Variants in MLLT10 observed in about 807,000 individuals in gnomAD.
The protein encoded by MLLT10 is protein AF-10.
In MLLT10, 30 loss-of-function variants were observed where a neutral mutation model predicts 129.1. The ratio of observed to expected loss-of-function variants is 0.23; its 90% CI spans 0.17 to 0.32. MLLT10 has a LOEUF of 0.32. Ranked by LOEUF, MLLT10 falls within the 10% of genes least tolerant of loss-of-function variation. MLLT10 has a pLI of 1.00. For missense variants in MLLT10, 1,119 were observed against 1,268.3 expected (o/e 0.88, Z 1.79); for synonymous variants, 490 against 446.4 (o/e 1.10, Z -1.23).
chr10:21,583,901 G>A (rs1020414968), intron 3 of MLLT10, among the ~76,000 whole-genome samples: 6 of 150,136 alleles, frequency 4.0e-5, no homozygotes, highest in African/African-American at 9.8e-5. Flanking sequence ...ACGGAGTCTC[G>A]CTCTGTCACC....
intron 11 of MLLT10, among the ~76,000 whole-genome samples, chr10:21,676,239 A>T (rs2052083116): frequency 6.6e-6 from 1 of 151,294 alleles, no homozygotes; most frequent in South Asian, 2.1e-4. Context: ...ACCACGGTGA[A>T]ACCCTGTCTC....
rs765691143 is a variant in MLLT10 at position 21,735,231 on chromosome 10, C to T, written c.2951C>T (p.Thr984Ile). 1 of 1,607,876 alleles carries T rather than the reference C, an allele frequency of 6.2e-7. No individual in the cohort carries two copies. Among genetic ancestry groups the T allele is most frequent in the Non-Finnish European group, 8.5e-7 (1 of 1,174,888 alleles). Residue 984 changes from threonine to isoleucine, a missense_variant, in exon 21 of 23, where the codon ACA becomes ATA. Physicochemically the swap from Thr to Ile is moderately conservative, Grantham distance 89. Coordinates refer to ENST00000307729, the MANE Select transcript of MLLT10 (RefSeq NM_001195626.3). ...FQQLLNSQQL[T>I]PEQHQAFLYQ... Reference sequence around the variant, plus strand: ...CAGTTGTTAAATTCTCAACAGCTCACACCAGTAAGTTCTTTCTTTTGATAA... The same window carrying T: ...CAGTTGTTAAATTCTCAACAGCTCATACCAGTAAGTTCTTTCTTTTGATAA...
At chr10:21,644,000 G>C (rs2048253996) in intron 8 of MLLT10, among the ~76,000 whole-genome samples, 1 of 151,878 alleles carries the variant, frequency 6.6e-6, no homozygotes, top group Non-Finnish European at 1.5e-5. Context: ...AACAATTCTT[G>C]GCAATGTGTA....
chr10:21,673,616 T>G lies in MLLT10; in HGVS notation c.1318T>G (p.Leu440Val), dbSNP rs534984977. ...AAGCTTTGAAAATTCACCTGGAGAT[T>G]TGGGTAATTCCAGCCTTCCTACAGC... ...PKSFENSPGDLGNSSLPTAGY... is the reference protein window; with the variant it reads ...PKSFENSPGDVGNSSLPTAGY... The change falls in exon 11 of 23, where the codon TTG (leucine) becomes GTG (valine). Residue 440 changes from leucine (L) to valine (V), a missense_variant. Transcript: ENST00000307729. 1.9e-6 allele frequency: 3 copies of G among 1,613,700 alleles called. No homozygotes were observed. The highest frequency in any genetic ancestry group is 2.2e-5 in the East Asian group (1 of 44,878).
At chr10:21,624,975 C>T in intron 8 of MLLT10, 2 of 1,232,700 alleles carry the variant, frequency 1.6e-6, no homozygotes, top group East Asian at 2.3e-5. Context: ...ACCCTGCCCT[C>T]CCCTTCCTCC....
chr10:21,702,703 T>C (rs537405822), intron 13 of MLLT10, among the ~76,000 whole-genome samples: 6 of 152,300 alleles, frequency 3.9e-5, no homozygotes, highest in African/African-American at 1.4e-4. Context: ...GTTTTTTTTT[T>C]CTTAAAGTCT....
chr10:21,545,647 A>T lies in MLLT10; in HGVS notation c.240+6735A>T, dbSNP rs149520952. 8.7e-4 allele frequency among the ~76,000 whole-genome samples: 132 copies of T among 152,310 alleles called. 2 individuals carry two copies. In the East Asian group the frequency reaches 0.024, roughly 28 times the overall value. ...CGTGTCTCCCAAAACAAAAAAATTA[A>T]ACACACTTTCTCATGACTATTTTTG... On this transcript the variant is annotated intron_variant, in intron 3 of 22. Transcript: ENST00000307729.
At chr10:21,653,444 A>C (rs1589445535) in intron 9 of MLLT10, among the ~76,000 whole-genome samples, 1 of 152,136 alleles carries the variant, frequency 6.6e-6, no homozygotes, top group Non-Finnish European at 1.5e-5. Flanking sequence ...GATCCCCTCC[A>C]TCTCATAGGT....
intron 8 of MLLT10, among the ~76,000 whole-genome samples, chr10:21,620,213 C>T (rs144347139): frequency 5.7e-4 from 87 of 152,280 alleles, no homozygotes; most frequent in Middle Eastern, 3.4e-3. Context: ...CAGGCGTGAG[C>T]CATCATGCCT....
At chr10:21,586,052 G>A (rs914996472) in intron 3 of MLLT10, among the ~76,000 whole-genome samples, 7 of 152,110 alleles carry the variant, frequency 4.6e-5, no homozygotes, top group East Asian at 1.9e-4. Context: ...CTGAGCCACC[G>A]CGCCTGGCCC....
intron 14 of MLLT10, 96 bp from the exon 15 acceptor site, chr10:21,726,148 A>T (rs2057493214): frequency 1.3e-6 from 1 of 798,496 alleles, no homozygotes; most frequent in East Asian, 2.8e-5. Context: ...TTATATTCTT[A>T]GGTTGGAGAA....
chr10:21,576,911 G>A lies in MLLT10; in HGVS notation c.241-9383G>A, dbSNP rs1337695183. 2.6e-5 allele frequency among the ~76,000 whole-genome samples: 4 copies of A among 152,196 alleles called. No individual in the cohort carries two copies. In the East Asian group the frequency reaches 7.7e-4, roughly 29 times the overall value. On this transcript the variant is annotated intron_variant, in intron 3 of 22. Coordinates refer to ENST00000307729, the MANE Select transcript of MLLT10 (RefSeq NM_001195626.3). ...CTCCTAAAGTGCTGGGGTTACAGGC[G>A]TGGGCCACTGCGCCCGGCCAATTGT...
chr10:21,656,570 T>C (rs1048487807), intron 9 of MLLT10, among the ~76,000 whole-genome samples: 1 of 152,232 alleles, frequency 6.6e-6, no homozygotes, highest in African/African-American at 2.4e-5. Context: ...TAGATTATAC[T>C]GCCTTATATT....
In MLLT10 at chr10:21,727,850, C is replaced by T. The variant is rs762218421; in HGVS notation, c.1991-6C>T. ...CTTTATCAGCTCTGAAATATTTACACTACAGATCAAGATCTTGGAGACAAT... is the reference window on the plus strand; with the variant it reads ...CTTTATCAGCTCTGAAATATTTACATTACAGATCAAGATCTTGGAGACAAT... On this transcript the variant is annotated splice_region_variant and splice_polypyrimidine_tract_variant and intron_variant, in intron 15 of 22. Coordinates refer to ENST00000307729, the MANE Select transcript of MLLT10 (RefSeq NM_001195626.3). 1.9e-6 allele frequency: 3 copies of T among 1,612,296 alleles called. No individual in the cohort carries two copies. The highest frequency in any genetic ancestry group is 2.5e-6 in the Non-Finnish European group (3 of 1,178,628).
intron 14 of MLLT10, among the ~76,000 whole-genome samples, chr10:21,715,828 A>G (rs2056508198): frequency 6.6e-6 from 1 of 152,206 alleles, no homozygotes; most frequent in Non-Finnish European, 1.5e-5. Context: ...TAAAATCTTT[A>G]CTATTTATCC....
intron 8 of MLLT10, among the ~76,000 whole-genome samples, chr10:21,636,880 C>T (rs2131282460): frequency 6.6e-6 from 1 of 152,208 alleles, no homozygotes; most frequent in South Asian, 2.1e-4. Flanking sequence ...GTTGTGTATA[C>T]ATTTATAGGC....
At chr10:21,702,902 A>G (rs2131476929) in intron 13 of MLLT10, among the ~76,000 whole-genome samples, 1 of 152,200 alleles carries the variant, frequency 6.6e-6, no homozygotes, top group South Asian at 2.1e-4. Context: ...TTGTAAGTGG[A>G]GAATTTAATC....
At chr10:21,740,768 GAAAGTT>G (rs1377936397) in intron 22 of MLLT10, among the ~76,000 whole-genome samples, 2 of 152,182 alleles carry the variant, frequency 1.3e-5, no homozygotes, top group East Asian at 3.8e-4. Flanking sequence ...CTTTCAATGT[GAAAGTT>G]AAATTAAAAA....
intron 11 of MLLT10, 81 bp downstream of exon 11, chr10:21,674,000 T>C: frequency 9.4e-7 from 1 of 1,060,392 alleles, no homozygotes; most frequent in Non-Finnish European, 1.3e-6. Flanking sequence ...TCAACTGTTG[T>C]TACGATAATA....
Sources: allele counts gnomAD v4.1 joint callset (sites outside exome capture counted in the v4.1 genomes callset), GRCh38; gene constraint gnomAD v4.1.1; transcripts MANE v1.5; gene names NCBI Gene and HGNC (gene_info 2026-07-23, HGNC 2026-07-21).